RGL1: variants seen among roughly 807,000 people sequenced by gnomAD.
RGL1 encodes the protein ral guanine nucleotide dissociation stimulator like 1.
Under a neutral mutation model 95.2 loss-of-function variants are expected in RGL1, and 24 were observed. The ratio of observed to expected loss-of-function variants is 0.25; its 90% CI spans 0.18 to 0.35. RGL1 has a LOEUF of 0.35. RGL1 is among the 10% of genes least tolerant of loss of function. The pLI is 1.00. For missense variants in RGL1, 715 were observed against 936.3 expected (o/e 0.76, Z 3.08); for synonymous variants, 329 against 344.9 (o/e 0.95, Z 0.51).
chr1:183,783,623 T>C (rs566755180), intron 2 of RGL1, among the ~76,000 whole-genome samples: 1 of 152,328 alleles, frequency 6.6e-6, no homozygotes, highest in African/African-American at 2.4e-5. Context: ...CTTATTTCCC[T>C]TTCCCCCAGC....
intron 9 of RGL1, among the ~76,000 whole-genome samples, chr1:183,897,396 T>A (rs1667760616): frequency 6.6e-6 from 1 of 151,828 alleles, no homozygotes; most frequent in Non-Finnish European, 1.5e-5. Flanking sequence ...AAATAAAATA[T>A]AAAAATTAGC....
intron 1 of RGL1, among the ~76,000 whole-genome samples, chr1:183,732,966 A>G (rs962985198): frequency 2.0e-5 from 3 of 152,132 alleles, no homozygotes; most frequent in Admixed American, 1.3e-4. Context: ...CTTTTGGTTC[A>G]CTCTAAAATA....
Position 183,910,116 on chromosome 1 carries a change from C to G in RGL1, c.1563-1966C>G, listed in dbSNP as rs76456423. The stretch of plus-strand genomic sequence containing the variant: ...TTCCTTCCTTCCTTCCTCACTCGCT[C>G]TCTTTCTTTCAAAAGAGTTTTGCTC... On this transcript the variant is annotated intron_variant, in intron 14 of 17. Transcript: ENST00000360851. 8.7e-3 allele frequency among the ~76,000 whole-genome samples: 1,331 copies of G among 152,174 alleles called. 6 individuals carry two copies. Among genetic ancestry groups the G allele is most frequent in the Non-Finnish European group, 0.014 (979 of 67,998 alleles).
At chr1:183,680,089 T>C (rs2102074547) in intron 1 of RGL1, among the ~76,000 whole-genome samples, 1 of 152,336 alleles carries the variant, frequency 6.6e-6, no homozygotes, top group East Asian at 1.9e-4. Flanking sequence ...GTAAATTTGT[T>C]TACTTCCTTG....
At chr1:183,910,399 C>A (rs563088352) in intron 14 of RGL1, among the ~76,000 whole-genome samples, 1 of 152,132 alleles carries the variant, frequency 6.6e-6, no homozygotes, top group Non-Finnish European at 1.5e-5. Context: ...GCCTGGCCCC[C>A]TGTTGATTTT....
intron 2 of RGL1, among the ~76,000 whole-genome samples, chr1:183,844,925 G>C (rs1664315825): frequency 6.6e-6 from 1 of 152,160 alleles, no homozygotes; most frequent in Admixed American, 6.5e-5. Flanking sequence ...TCCTGTTAGC[G>C]GTTTGACATG....
At chr1:183,730,418 C>CT (rs1338180247) in intron 1 of RGL1, among the ~76,000 whole-genome samples, 2 of 152,148 alleles carry the variant, frequency 1.3e-5, no homozygotes, top group African/African-American at 4.8e-5. Flanking sequence ...ACAAAACTCA[C>CT]TACCTCCCCT....
Position 183,674,818 on chromosome 1 carries a change from A to G in RGL1, c.-33+38317A>G, listed in dbSNP as rs151331280. Among the ~76,000 whole-genome samples the G allele has an allele frequency of 8.0e-3, 1,220 of 152,308 alleles. 19 individuals are homozygous for G. Among genetic ancestry groups the G allele is most frequent in the African/African-American group, 0.027 (1,129 of 41,564 alleles). On this transcript the variant is annotated intron_variant, in intron 1 of 18. Coordinates refer to the RGL1 transcript ENST00000304685. ...ATAATCTTTAATCTTTCATCTATCAATTGCATCCTTTAGGATTTGTGTTAA... is the reference window on the plus strand; with the variant it reads ...ATAATCTTTAATCTTTCATCTATCAGTTGCATCCTTTAGGATTTGTGTTAA...
upstream of RGL1, among the ~76,000 whole-genome samples, chr1:183,801,459 TATTG>T (rs945444648): frequency 2.0e-5 from 3 of 152,184 alleles, no homozygotes; most frequent in Admixed American, 6.5e-5. Context: ...TTATTCACTC[TATTG>T]ATTGTTTCAT....
At chr1:183,786,064 C>T (rs1009746809) in intron 2 of RGL1, among the ~76,000 whole-genome samples, 30 of 151,718 alleles carry the variant, frequency 2.0e-4, no homozygotes, top group African/African-American at 7.3e-4. Flanking sequence ...GGCAACAGAG[C>T]CAGACCCTTT....
At chr1:183,894,659 C>T (rs560960204) in intron 9 of RGL1, among the ~76,000 whole-genome samples, 133 of 152,028 alleles carry the variant, frequency 8.7e-4, no homozygotes, top group African/African-American at 2.9e-3. Flanking sequence ...TGGTTTTATA[C>T]GGATTTATGG....
chr1:183,867,610 G>C (rs35753073), intron 4 of RGL1, among the ~76,000 whole-genome samples: 260 of 152,096 alleles, frequency 1.7e-3, no homozygotes, highest in Non-Finnish European at 3.3e-3. Context: ...TAGAGAAATG[G>C]ATGGAAGATG....
At chr1:183,792,774 A>G (rs1297242396) in intron 2 of RGL1, among the ~76,000 whole-genome samples, 1 of 152,214 alleles carries the variant, frequency 6.6e-6, no homozygotes, top group Non-Finnish European at 1.5e-5. Context: ...AATGAAAATT[A>G]CAAAACACTG....
At chr1:183,640,065 C>A (rs562478395) in intron 1 of RGL1, among the ~76,000 whole-genome samples, 3 of 152,290 alleles carry the variant, frequency 2.0e-5, no homozygotes, top group African/African-American at 7.2e-5. Flanking sequence ...TGGTCTTGAT[C>A]TCCTGACCTT....
intron 2 of RGL1, among the ~76,000 whole-genome samples, chr1:183,839,121 G>A (rs575927274): frequency 6.6e-6 from 1 of 152,308 alleles, no homozygotes; most frequent in East Asian, 1.9e-4. Flanking sequence ...TTCTGGTGCT[G>A]CCCATCTTTA....
chr1:183,762,892 A>G (rs1483188005), intron 2 of RGL1, among the ~76,000 whole-genome samples: 2 of 152,234 alleles, frequency 1.3e-5, no homozygotes, highest in African/African-American at 4.8e-5. Context: ...ATTACTGGGT[A>G]TAAACCCAAA....
chr1:183,822,220 G>T (rs1250498604), intron 2 of RGL1, among the ~76,000 whole-genome samples: 1 of 151,988 alleles, frequency 6.6e-6, no homozygotes. Flanking sequence ...AAAATATCTG[G>T]CAGGCAAGAG....
rs111970221 is a variant in RGL1, at chr1:183,883,235, G to A, written c.611-551G>A. Among the ~76,000 whole-genome samples the A allele has an allele frequency of 2.1e-3, 318 of 152,310 alleles. 5 individuals carry two copies. The highest frequency in any genetic ancestry group is 7.2e-3 in the African/African-American group (298 of 41,562). On this transcript the variant is annotated intron_variant, in intron 5 of 17. Transcript: ENST00000360851. The stretch of plus-strand genomic sequence containing the variant: ...GTTCAGGTGAATTTAGTTGAAGACT[G>A]TTCTGCTTCATGCATTCTTAGCTTT...
At chr1:183,873,109 T>G (rs1324685027) in intron 4 of RGL1, among the ~76,000 whole-genome samples, 1 of 152,178 alleles carries the variant, frequency 6.6e-6, no homozygotes, top group Non-Finnish European at 1.5e-5. Flanking sequence ...AAACTGATGT[T>G]CTAATAGTTG....
Sources: allele counts gnomAD v4.1 joint callset (sites outside exome capture counted in the v4.1 genomes callset), GRCh38; gene constraint gnomAD v4.1.1; transcripts MANE v1.5; gene names NCBI Gene and HGNC (gene_info 2026-07-23, HGNC 2026-07-21).